Variants in FAM222A observed in about 807,000 individuals in gnomAD.
FAM222A encodes family with sequence similarity 222 member A.
FAM222A carries 7 observed loss-of-function variants against 25.8 expected under a neutral mutation model. The ratio of observed to expected loss-of-function variants is 0.27; its 90% CI spans 0.15 to 0.51. FAM222A has a LOEUF of 0.51. FAM222A is among the 20% of genes least tolerant of loss of function. The probability of loss-of-function intolerance (pLI) is 0.97; values close to 1 mark genes in which losing one functional copy is unlikely to be tolerated. For synonymous variants in FAM222A, 294 were observed against 298.8 expected, an observed-to-expected ratio of 0.98 and a Z score of 0.17; for missense variants, 573 against 640.5, an observed-to-expected ratio of 0.89 and a Z score of 1.14.
intron 2 of FAM222A, among the ~76,000 whole-genome samples, chr12:109,762,192 C>A (rs545059471): frequency 6.6e-6 from 1 of 152,310 alleles, no homozygotes; most frequent in South Asian, 2.1e-4. Context: ...TGTGTACTAA[C>A]CCAAAACCAG....
At position 109,714,598 on chromosome 12, in the gene FAM222A, C is replaced by G. The variant is rs1324474921; in HGVS notation, c.-346C>G. On this transcript the variant is annotated 5_prime_UTR_variant, in exon 1 of 3. Transcript: ENST00000538780. The surrounding 1 kb of genome is among the most constrained non-coding windows in gnomAD (Gnocchi z 4.2). ...CCGAGGGGAGGCGCAGCGCCGCCCG[C>G]CGGACGTGGCGATCACGGGCCCCGG... is the stretch of plus-strand genomic sequence containing the variant. 2.0e-5 allele frequency: 3 copies of G among 151,854 alleles called. No individual in the cohort carries two copies. Among genetic ancestry groups the G allele is most frequent in the African/African-American group, 7.2e-5 (3 of 41,406 alleles). 9.4% of individuals were successfully genotyped at this position (151,854 alleles called of 1,614,324 possible).
chr12:109,768,820 C>G lies in FAM222A; in HGVS notation c.891C>G (p.Pro297=). ...LWPQKPPPPP[P]QPLRAYSGST... ...CGCAGAAACCGCCCCCACCGCCGCC[C>G]CAGCCACTGCGTGCCTACAGTGGGA... Residue 297 remains proline, a synonymous_variant, in exon 3 of 3, where the codon CCC becomes CCG. Coordinates refer to ENST00000538780, the MANE Select transcript of FAM222A (RefSeq NM_032829.3). The G allele has an allele frequency of 6.3e-7, 1 of 1,575,872 alleles. No homozygotes were observed. The highest frequency in any genetic ancestry group is 8.6e-7 in the Non-Finnish European group (1 of 1,167,400).
intron 1 of FAM222A, among the ~76,000 whole-genome samples, chr12:109,742,829 G>A (rs552396544): frequency 2.0e-5 from 3 of 152,120 alleles, no homozygotes; most frequent in Non-Finnish European, 2.9e-5. Flanking sequence ...GAATAATTGC[G>A]CCGTAACAAG....
intron 1 of FAM222A, among the ~76,000 whole-genome samples, chr12:109,738,092 G>C (rs1029457277): frequency 5.3e-5 from 8 of 152,184 alleles, no homozygotes; most frequent in African/African-American, 1.9e-4. Flanking sequence ...GTAGACAGAG[G>C]AGAGGAAAGA....
At chr12:109,761,868 AC>A (rs886875357) in intron 2 of FAM222A, among the ~76,000 whole-genome samples, 1 of 151,630 alleles carries the variant, frequency 6.6e-6, no homozygotes, top group Non-Finnish European at 1.5e-5. Flanking sequence ...AGCAGAGGAA[AC>A]CCCCGGGTCC....
intron 1 of FAM222A, among the ~76,000 whole-genome samples, chr12:109,741,806 TC>T (rs1176976784): frequency 6.6e-6 from 1 of 152,122 alleles, no homozygotes; most frequent in Non-Finnish European, 1.5e-5. Flanking sequence ...GTTCCAGCCT[TC>T]CAGCCCAGGT....
chr12:109,750,379 T>G (rs1888528739), intron 2 of FAM222A, among the ~76,000 whole-genome samples: 2 of 152,224 alleles, frequency 1.3e-5, no homozygotes, highest in African/African-American at 4.8e-5. Context: ...AAATTGACGA[T>G]ATCAGGCTTG....
intron 1 of FAM222A, among the ~76,000 whole-genome samples, chr12:109,717,973 T>C (rs2136314349): frequency 6.6e-6 from 1 of 152,310 alleles, no homozygotes; most frequent in East Asian, 1.9e-4. Flanking sequence ...GGGTTGGGCC[T>C]GGATCGTACT....
intron 1 of FAM222A, among the ~76,000 whole-genome samples, chr12:109,731,023 T>C (rs570422302): frequency 9.2e-4 from 140 of 152,230 alleles, no homozygotes; most frequent in African/African-American, 3.0e-3. Context: ...TGGTTTCTAC[T>C]TCCATGTTTC....
rs187457002 is a variant in FAM222A, at chr12:109,729,645, C to T, written c.-46-14456C>T. Among the ~76,000 whole-genome samples, 219 of 152,404 alleles carry T rather than the reference C, an allele frequency of 1.4e-3. 1 individual carries two copies. The highest frequency in any genetic ancestry group is 5.0e-3 in the African/African-American group (210 of 41,598). On this transcript the variant is annotated intron_variant, in intron 1 of 2. Coordinates refer to ENST00000538780, the MANE Select transcript of FAM222A (RefSeq NM_032829.3). ...CGCTGCAGCAACACACACAGACGCG[C>T]GCACGCATGCACATGCTGGCGCATG... is the stretch of plus-strand genomic sequence containing the variant.
At position 109,764,942 on chromosome 12, in the gene FAM222A, C is replaced by T. The variant is rs1007983313; in HGVS notation, c.83-3070C>T. Among the ~76,000 whole-genome samples, 4 of 152,302 alleles carry T rather than the reference C, an allele frequency of 2.6e-5. 1 individual carries two copies. Among genetic ancestry groups the T allele is most frequent in the Admixed American group, 6.5e-5 (1 of 15,294 alleles). The stretch of plus-strand genomic sequence containing the variant: ...TTTTAGGCCACTTAGGAGGAGGCTG[C>T]CCCGGGCAGAGTCGGGATGGGGGTC... On this transcript the variant is annotated intron_variant, in intron 2 of 2. Transcript: ENST00000538780.
At chr12:109,741,720 A>G (rs1888244747) in intron 1 of FAM222A, among the ~76,000 whole-genome samples, 1 of 152,212 alleles carries the variant, frequency 6.6e-6, no homozygotes, top group East Asian at 1.9e-4. Flanking sequence ...CACAGGGATC[A>G]TGGAGCCACT....
Position 109,727,289 on chromosome 12 carries a change from G to A in FAM222A, c.-47+12392G>A, listed in dbSNP as rs893282928. On this transcript the variant is annotated intron_variant, in intron 1 of 2. Coordinates refer to ENST00000538780, the MANE Select transcript of FAM222A (RefSeq NM_032829.3). ...CCGGCCAGGGACAAATGCTCAGAGC[G>A]GGAATAGAGGCCCTTTTGTGTGCCT... 2.6e-4 allele frequency among the ~76,000 whole-genome samples: 39 copies of A among 152,208 alleles called. 1 individual carries two copies. Among genetic ancestry groups the A allele is most frequent in the Admixed American group, 2.2e-3 (33 of 15,304 alleles).
intron 1 of FAM222A, among the ~76,000 whole-genome samples, chr12:109,740,638 G>T (rs909506048): frequency 5.3e-5 from 8 of 152,152 alleles, no homozygotes; most frequent in Non-Finnish European, 1.0e-4. Context: ...GACCTTGTTT[G>T]GGACGCTTGG....
intron 1 of FAM222A, among the ~76,000 whole-genome samples, chr12:109,742,599 C>T: frequency 7.4e-6 from 1 of 134,370 alleles, no homozygotes; most frequent in East Asian, 2.1e-4. Context: ...TCCACTCTCT[C>T]TCTCTCTCGC....
chr12:109,734,793 C>T (rs747002590), intron 1 of FAM222A: 3 of 152,028 alleles, frequency 2.0e-5, no homozygotes, highest in Non-Finnish European at 4.4e-5. Context: ...TGCCTGTGGC[C>T]GGATGACATG....
At chr12:109,743,527 A>G (rs1888302984) in intron 1 of FAM222A, among the ~76,000 whole-genome samples, 1 of 152,152 alleles carries the variant, frequency 6.6e-6, no homozygotes, top group African/African-American at 2.4e-5. Flanking sequence ...TGCAGCATGG[A>G]TCAAGGTTCA....
At chr12:109,747,121 T>C (rs1888421867) in intron 2 of FAM222A, among the ~76,000 whole-genome samples, 1 of 152,230 alleles carries the variant, frequency 6.6e-6, no homozygotes. Context: ...TTTGTGACAG[T>C]CTCACTCTGT....
intron 1 of FAM222A, among the ~76,000 whole-genome samples, chr12:109,721,345 G>A (rs1887741479): frequency 1.3e-5 from 2 of 152,208 alleles, no homozygotes; most frequent in African/African-American, 2.4e-5. Flanking sequence ...ACCTTCAGCA[G>A]GTCACCTTCC....
Sources: gnomAD v4.1 joint callset for allele counts (sites outside exome capture counted in the v4.1 genomes callset) on GRCh38, gnomAD v4.1.1 for gene constraint, Gnocchi (gnomAD v3.1) non-coding constraint, MANE v1.5 for transcripts, NCBI Gene and HGNC (gene_info 2026-07-23, HGNC 2026-07-21) for gene names.